Variants in APOOL observed in about 807,000 individuals in gnomAD.
The protein encoded by APOOL is MICOS complex subunit MIC27.
Under a neutral mutation model 23.1 loss-of-function variants are expected in APOOL, and 12 were observed. The ratio of observed to expected loss-of-function variants is 0.52; its 90% CI spans 0.33 to 0.84. APOOL has a LOEUF of 0.84. Among genes scored for constraint, APOOL ranks in the 40% least tolerant of loss-of-function variants. The pLI is 0.02. For missense variants in APOOL, 212 were observed against 199.6 expected (o/e 1.06, Z -0.37); for synonymous variants, 77 against 69.9 (o/e 1.10, Z -0.51).
intron 6 of APOOL, among the ~76,000 whole-genome samples, chrX:85,073,431 T>G (rs1049262847): frequency 9.9e-5 from 11 of 111,327 alleles, no homozygotes. Context: ...GGCCTCTGCT[T>G]GAGTATATTT....
intron 1 of APOOL, among the ~76,000 whole-genome samples, chrX:85,006,972 A>C (rs1443671388): frequency 9.0e-6 from 1 of 111,379 alleles, no homozygotes; most frequent in African/African-American, 3.3e-5. Context: ...GAGGAGACAC[A>C]CTTTGCTTCA....
chrX:85,086,988 C>T (rs921863565), intron 8 of APOOL, among the ~76,000 whole-genome samples: 2 of 111,071 alleles, frequency 1.8e-5, no homozygotes, highest in Non-Finnish European at 3.8e-5. Context: ...CGTGAGCCAC[C>T]GCGCCCGGCC....
chrX:85,083,094 G>A (rs1040498963), intron 8 of APOOL, among the ~76,000 whole-genome samples: 1 of 110,821 alleles, frequency 9.0e-6, no homozygotes, highest in Non-Finnish European at 1.9e-5. Flanking sequence ...GATGATAAGT[G>A]TTTCACCCTT....
In APOOL at chrX:85,046,527, AAGC is replaced by A; in HGVS notation, c.101_103del (p.Gln34del). On this transcript the variant is annotated inframe_deletion, in exon 2 of 9. Coordinates refer to ENST00000373173, the MANE Select transcript of APOOL (RefSeq NM_198450.6). ...TGCAGCCAAACAAGAGGAATCCAAA[AAGC>A]AGCTAGTGAAACCAGAGCAGGTAAT... The A allele has an allele frequency of 8.3e-7, 1 of 1,208,662 alleles. No individual in the cohort carries two copies. The highest frequency in any genetic ancestry group is 1.1e-6 in the Non-Finnish European group (1 of 893,338).
chrX:85,020,909 C>G (rs1921640862), intron 1 of APOOL, among the ~76,000 whole-genome samples: 1 of 111,901 alleles, frequency 8.9e-6, no homozygotes, highest in South Asian at 3.8e-4. Flanking sequence ...GCTCCAGGCT[C>G]TAGACTATCC....
intron 5 of APOOL, among the ~76,000 whole-genome samples, chrX:85,066,110 A>G (rs1482035071): frequency 9.0e-6 from 1 of 111,597 alleles, no homozygotes; most frequent in Non-Finnish European, 1.9e-5. Flanking sequence ...TCATTTGTAT[A>G]ATATACCAGA....
At chrX:85,033,817 T>C (rs1922122498) in intron 1 of APOOL, among the ~76,000 whole-genome samples, 1 of 111,859 alleles carries the variant, frequency 8.9e-6, no homozygotes, top group African/African-American at 3.3e-5. Flanking sequence ...CCATCATGCA[T>C]TTGTAGCTTT....
chrX:85,005,819 C>T lies in APOOL; in HGVS notation c.15+1892C>T, dbSNP rs144593675. 3.4e-3 allele frequency among the ~76,000 whole-genome samples: 377 copies of T among 111,660 alleles called. 7 individuals carry two copies. In the East Asian group the frequency reaches 0.079, roughly 23 times the overall value. On this transcript the variant is annotated intron_variant, in intron 1 of 8. Transcript: ENST00000373173. ...TGCTCTGACGCTCAAAAGGAGAGAG[C>T]TCACACTTGGTTTGAAGAGAGTAAA...
intron 1 of APOOL, among the ~76,000 whole-genome samples, chrX:85,044,254 A>ATGTGTG (rs745401579): frequency 7.7e-5 from 8 of 103,814 alleles, no homozygotes; most frequent in Middle Eastern, 4.8e-3. Flanking sequence ...GCTCATATTT[A>ATGTGTG]TGTGTGTGTG....
At position 85,087,870 on chromosome X, in the gene APOOL, A is replaced by G; in HGVS notation, c.*192A>G. On this transcript the variant is annotated 3_prime_UTR_variant, in exon 9 of 9. Coordinates refer to ENST00000373173, the MANE Select transcript of APOOL (RefSeq NM_198450.6). Reference sequence around the variant, plus strand: ...AACACACAAACTGTGAATGCAGTGTAAACAATATTAAATGATTGATGAGGA... The same window carrying G: ...AACACACAAACTGTGAATGCAGTGTGAACAATATTAAATGATTGATGAGGA... The G allele has an allele frequency of 2.9e-6, 1 of 342,984 alleles. No homozygotes were observed. The allele number at this position is 342,984 out of a possible 1,213,427, so 28.3% of individuals were successfully genotyped here.
intron 1 of APOOL, among the ~76,000 whole-genome samples, chrX:85,024,160 A>T (rs754050517): frequency 8.9e-6 from 1 of 112,379 alleles, no homozygotes; most frequent in African/African-American, 3.2e-5. Flanking sequence ...GTGATTAAGC[A>T]TTTTAAACCA....
intron 6 of APOOL, among the ~76,000 whole-genome samples, chrX:85,067,873 TCTC>T (rs773895960): frequency 1.6e-3 from 182 of 111,408 alleles, no homozygotes; most frequent in African/African-American, 5.6e-3. Flanking sequence ...CTCTTTTCCT[TCTC>T]CTCTTAATTA....
chrX:85,077,331 C>T (rs1297884273), intron 8 of APOOL, among the ~76,000 whole-genome samples: 1 of 106,867 alleles, frequency 9.4e-6, no homozygotes, highest in Admixed American at 1.0e-4. Context: ...TTGTTCAATT[C>T]CCACCTATGA....
intron 1 of APOOL, among the ~76,000 whole-genome samples, chrX:85,026,956 A>G (rs1225412285): frequency 8.9e-6 from 1 of 111,891 alleles, no homozygotes; most frequent in Non-Finnish European, 1.9e-5. Flanking sequence ...ATTTTCAGGT[A>G]TCTTTATAGC....
rs778075411 is a variant in APOOL, at chrX:85,054,351, A to G, written c.248A>G (p.Tyr83Cys). 1.7e-6 allele frequency: 2 copies of G among 1,184,983 alleles called. No individual in the cohort carries two copies. The highest frequency in any genetic ancestry group is 6.1e-5 in the East Asian group (2 of 32,764). Residue 83 changes from tyrosine to cysteine, a missense_variant, in exon 4 of 9, where the codon TAT becomes TGT. Physicochemically the swap from Tyr to Cys is radical, Grantham distance 194 (BLOSUM62 -2). Transcript: ENST00000373173. Reference sequence around the variant, plus strand: ...CCCTTTTTTTTTGCTTAGGGTGTTTATGTCTTTGTGAAAAATGGGATAATG... The same window carrying G: ...CCCTTTTTTTTTGCTTAGGGTGTTTGTGTCTTTGTGAAAAATGGGATAATG... ...GCYIGWCKGV[Y>C]VFVKNGIMDT... is the part of the protein sequence containing the mutation.
chrX:85,060,010 G>A (rs1327408246), intron 5 of APOOL, among the ~76,000 whole-genome samples: 3 of 110,332 alleles, frequency 2.7e-5, no homozygotes, highest in African/African-American at 6.6e-5. Flanking sequence ...TATGGTTTTA[G>A]GTCTAACATT....
rs774495224 is a variant in APOOL, at chrX:85,006,568, A to C, written c.15+2641A>C. 1.3e-4 allele frequency among the ~76,000 whole-genome samples: 14 copies of C among 110,521 alleles called. No homozygotes were observed. In the South Asian group the frequency reaches 3.1e-3, roughly 24 times the overall value. ...AGGTGTCTTTTAATTAAAAAAAAAAAAAACTAAAAACAAAACAGGAGACAG... is the reference window on the plus strand; with the variant it reads ...AGGTGTCTTTTAATTAAAAAAAAAACAAACTAAAAACAAAACAGGAGACAG... On this transcript the variant is annotated intron_variant, in intron 1 of 8. Coordinates refer to ENST00000373173, the MANE Select transcript of APOOL (RefSeq NM_198450.6).
intron 2 of APOOL, among the ~76,000 whole-genome samples, 198 bp downstream of exon 2, chrX:85,046,748 A>C (rs1018908707): frequency 2.4e-4 from 27 of 112,204 alleles, no homozygotes; most frequent in African/African-American, 8.7e-4. Context: ...AACTCCAGTG[A>C]AAAACAACTA....
chrX:85,018,793 A>C (rs1398523565), intron 1 of APOOL, among the ~76,000 whole-genome samples: 1 of 111,341 alleles, frequency 9.0e-6, no homozygotes, highest in Non-Finnish European at 1.9e-5. Context: ...TCCTGAGTTC[A>C]TTGAGCTGTA....
Sources: allele counts gnomAD v4.1 joint callset (sites outside exome capture counted in the v4.1 genomes callset), GRCh38; gene constraint gnomAD v4.1.1; transcripts MANE v1.5; gene names NCBI Gene and HGNC (gene_info 2026-07-23, HGNC 2026-07-21).